Variants in TMPRSS15 observed in about 807,000 individuals in gnomAD.
TMPRSS15 encodes the protein transmembrane serine protease 15.
In TMPRSS15, 128 loss-of-function variants were observed where a neutral mutation model predicts 125.3. That is an observed-to-expected ratio of 1.02 (90% confidence interval 0.89 to 1.18). TMPRSS15 has a LOEUF of 1.18. TMPRSS15 is among the 50% of genes most tolerant of loss of function. TMPRSS15 has a pLI of 0.00. For missense variants in TMPRSS15, 1,283 were observed against 1,212.7 expected, an observed-to-expected ratio of 1.06 and a Z score of -0.86; for synonymous variants, 446 against 423.2, an observed-to-expected ratio of 1.05 and a Z score of -0.66.
intron 1 of TMPRSS15, among the ~76,000 whole-genome samples, chr21:18,429,466 G>A (rs991061424): frequency 4.6e-5 from 7 of 152,246 alleles, no homozygotes; most frequent in East Asian, 1.9e-4. Flanking sequence ...TAATTCCCAT[G>A]TGCTGTGGGA....
rs2074526184 is a variant in TMPRSS15, at chr21:18,269,357, TTTAA to T, written c.*608_*611del. 1 of 152,262 alleles carries T rather than the reference TTTAA, an allele frequency of 6.6e-6. No individual in the cohort carries two copies. Among genetic ancestry groups the T allele is most frequent in the African/African-American group, 2.4e-5 (1 of 41,448 alleles). The allele number at this position is 152,262 out of a possible 1,614,324, so 9.4% of individuals were successfully genotyped here. Reference sequence around the variant, plus strand: ...ACTATATCAGTTAATTTATCTTTTATTTAATTAACTTATTTAAGAGGAACGTAAA... The same window carrying T: ...ACTATATCAGTTAATTTATCTTTTATTTAACTTATTTAAGAGGAACGTAAA... On this transcript the variant is annotated 3_prime_UTR_variant, in exon 25 of 25. Transcript: ENST00000284885.
At chr21:18,364,981 A>G (rs2075712764) in intron 7 of TMPRSS15, among the ~76,000 whole-genome samples, 159 bp downstream of exon 7, 1 of 152,220 alleles carries the variant, frequency 6.6e-6, no homozygotes, top group African/African-American at 2.4e-5. Flanking sequence ...AAGGTTAAAA[A>G]TGATAGTATA....
At chr21:18,365,044 A>G (rs772440619) in intron 7 of TMPRSS15, 96 bp downstream of exon 7, 27 of 1,035,874 alleles carry the variant, frequency 2.6e-5, no homozygotes, top group Non-Finnish European at 3.9e-5. Context: ...GTTAATGAAA[A>G]CAATGATTCT....
intron 13 of TMPRSS15, among the ~76,000 whole-genome samples, chr21:18,335,164 C>T (rs2075380039): frequency 6.6e-6 from 1 of 152,194 alleles, no homozygotes; most frequent in Admixed American, 6.5e-5. Flanking sequence ...CTTAATGAGA[C>T]CAGTGAAGGA....
intron 21 of TMPRSS15, among the ~76,000 whole-genome samples, chr21:18,287,853 A>T (rs1273617013): frequency 1.3e-5 from 2 of 152,194 alleles, no homozygotes; most frequent in African/African-American, 4.8e-5. Flanking sequence ...TATTTTGGAA[A>T]AGGATCCAAG....
intron 12 of TMPRSS15, among the ~76,000 whole-genome samples, chr21:18,342,910 A>G (rs1179222062): frequency 2.0e-5 from 3 of 152,196 alleles, no homozygotes; most frequent in Non-Finnish European, 2.9e-5. Flanking sequence ...AATTTGGTCA[A>G]ACTAATAGCC....
intron 1 of TMPRSS15, among the ~76,000 whole-genome samples, chr21:18,419,671 T>C (rs915154401): frequency 6.6e-6 from 1 of 152,214 alleles, no homozygotes; most frequent in Non-Finnish European, 1.5e-5. Context: ...CTACGTTTTA[T>C]TTGACTTTGA....
chr21:18,276,755 CTT>C (rs372920414), intron 23 of TMPRSS15, among the ~76,000 whole-genome samples: 4,959 of 121,046 alleles, frequency 0.041, 166 homozygotes, highest in African/African-American at 0.14. Context: ...AACTGGGATT[CTT>C]TTTTTTTTTT....
intron 1 of TMPRSS15, among the ~76,000 whole-genome samples, chr21:18,431,697 T>C (rs2076216767): frequency 6.6e-6 from 1 of 152,154 alleles, no homozygotes; most frequent in Admixed American, 6.6e-5. Flanking sequence ...TAAAATGATT[T>C]CTCATATGCA....
rs569557212 is a variant in TMPRSS15 at position 18,369,544 on chromosome 21, A to T, written c.664+2649T>A. ...TGTAAGTGTGCAAACCTAAATAACT[A>T]AAGAGTAAAAGAGGAAGTTGCATGA... On this transcript the variant is annotated intron_variant, in intron 6 of 24. Coordinates refer to ENST00000284885, the MANE Select transcript of TMPRSS15 (RefSeq NM_002772.3). 2.6e-5 allele frequency among the ~76,000 whole-genome samples: 4 copies of T among 152,290 alleles called. No homozygotes were observed. In the South Asian group the frequency reaches 8.3e-4, roughly 32 times the overall value.
intron 23 of TMPRSS15, among the ~76,000 whole-genome samples, chr21:18,277,367 T>C (rs1374960480): frequency 1.3e-5 from 2 of 152,200 alleles, no homozygotes; most frequent in Non-Finnish European, 2.9e-5. Context: ...CAAATTTTGT[T>C]ATTGGTTAAT....
chr21:18,383,724 A>C lies in TMPRSS15; in HGVS notation c.399T>G (p.Asp133Glu), dbSNP rs200320922. The part of the protein sequence containing the change: ...FDLFFAQWVS[D>E]ENVKEELIQG... ...GAATCAGTTCTTCTTTTACATTTTCATCTGACACCCACTGGGCAAAGAAAA... is the reference window on the plus strand; with the variant it reads ...GAATCAGTTCTTCTTTTACATTTTCCTCTGACACCCACTGGGCAAAGAAAA... The change falls in exon 4 of 25, where the codon GAT (aspartate) becomes GAG (glutamate). Residue 133 changes from aspartate (D) to glutamate (E), a missense_variant. Physicochemically the swap from Asp to Glu is conservative, Grantham distance 45 (BLOSUM62 2). Coordinates refer to ENST00000284885, the MANE Select transcript of TMPRSS15 (RefSeq NM_002772.3). 6.2e-7 allele frequency: 1 copy of C among 1,613,862 alleles called. No individual in the cohort carries two copies.
chr21:18,281,990 C>T (rs1351815691), intron 21 of TMPRSS15, among the ~76,000 whole-genome samples: 1 of 143,940 alleles, frequency 6.9e-6, no homozygotes, highest in Non-Finnish European at 1.5e-5. Flanking sequence ...CCAGCTACTT[C>T]GGGGGGCAGA....
At chr21:18,341,570 GA>G in intron 12 of TMPRSS15, 22 bp from the exon 13 acceptor site, 1 of 1,613,450 alleles carries the variant, frequency 6.2e-7, no homozygotes, top group Non-Finnish European at 8.5e-7. Flanking sequence ...AGAGGCATAT[GA>G]AACGATTTGA....
intron 3 of TMPRSS15, among the ~76,000 whole-genome samples, chr21:18,394,405 C>T (rs1256840219): frequency 6.6e-6 from 1 of 151,638 alleles, no homozygotes; most frequent in East Asian, 1.9e-4. Flanking sequence ...TTTTAAAAGC[C>T]TCAGATGAAA....
chr21:18,485,286 C>G (rs1979057591), intron 1 of TMPRSS15, among the ~76,000 whole-genome samples: 1 of 151,740 alleles, frequency 6.6e-6, no homozygotes, highest in Non-Finnish European at 1.5e-5. Flanking sequence ...ATTTTTTCCT[C>G]TTTATTTCAA....
At position 18,281,076 on chromosome 21, in the gene TMPRSS15, C is replaced by A. The variant is rs2074692079; in HGVS notation, c.2632G>T (p.Ala878Ser). Residue 878 changes from alanine (A) to serine (S), a missense_variant, in exon 22 of 25, where the codon GCC becomes TCC. By Grantham distance (99) the Ala-to-Ser change is moderately conservative. Coordinates refer to ENST00000284885, the MANE Select transcript of TMPRSS15 (RefSeq NM_002772.3). ...ACTTTAAATTCCAGATGCATCATGGCAATGTCGTTGTCCTTTCTTCGCCTA... is the reference window on the plus strand; with the variant it reads ...ACTTTAAATTCCAGATGCATCATGGAAATGTCGTTGTCCTTTCTTCGCCTA... ...YNRRRKDNDI[A>S]MMHLEFKVNY... 1 of 1,613,656 alleles carries A rather than the reference C, an allele frequency of 6.2e-7. No homozygotes were observed.
In TMPRSS15 at chr21:18,459,698, T is replaced by C. The variant is rs187048756; in HGVS notation, c.10+26101A>G. The stretch of plus-strand genomic sequence containing the variant: ...CTTATTCTAGAATGTTTACCTTTCA[T>C]ATAAATTTTACAATTGACTTGTCAA... On this transcript the variant is annotated intron_variant, in intron 1 of 7. Transcript: ENST00000422787. Among the ~76,000 whole-genome samples the C allele has an allele frequency of 3.3e-5, 5 of 152,328 alleles. No individual in the cohort carries two copies. In the East Asian group the frequency reaches 5.8e-4, roughly 18 times the overall value.
At chr21:18,452,118 T>C (rs1231948326) in intron 1 of TMPRSS15, among the ~76,000 whole-genome samples, 3 of 152,150 alleles carry the variant, frequency 2.0e-5, no homozygotes, top group Non-Finnish European at 4.4e-5. Context: ...TGGGGAGATA[T>C]TAGCTAGTGG....
Sources: allele counts gnomAD v4.1 joint callset (sites outside exome capture counted in the v4.1 genomes callset), GRCh38; gene constraint gnomAD v4.1.1; transcripts MANE v1.5; gene names NCBI Gene and HGNC (gene_info 2026-07-23, HGNC 2026-07-21).